The following SAMD3 variants were observed in gnomAD, a reference collection of about 807,000 sequenced individuals.
SAMD3 encodes sterile alpha motif domain containing 3, also known as sterile alpha motif domain-containing protein 3.
A neutral mutation model predicts 58.5 loss-of-function variants in SAMD3; 63 were observed. The observed-to-expected ratio is 1.08, with a 90% confidence interval of 0.88 to 1.33. SAMD3 has a LOEUF of 1.33. Among genes scored for constraint, SAMD3 ranks in the 40% most tolerant of loss-of-function variants. The probability of loss-of-function intolerance (pLI) is 0.00; values close to 1 mark genes in which losing one functional copy is unlikely to be tolerated. For missense variants in SAMD3, 604 were observed against 608.4 expected (o/e 0.99, Z 0.08); for synonymous variants, 220 against 210.3 (o/e 1.05, Z -0.40).
chr6:130,230,145 A>G (rs919983914), intron 2 of SAMD3, among the ~76,000 whole-genome samples: 1 of 152,222 alleles, frequency 6.6e-6, no homozygotes. Context: ...TGCCGTTAAG[A>G]GTTCCTGAAC....
chr6:130,349,639 G>A (rs1207242222), intron 1 of SAMD3, among the ~76,000 whole-genome samples: 1 of 152,182 alleles, frequency 6.6e-6, no homozygotes, highest in African/African-American at 2.4e-5. Flanking sequence ...TCTACCAGAG[G>A]TACAAGGAGG....
At chr6:130,158,795 A>G (rs1790025848) in intron 8 of SAMD3, among the ~76,000 whole-genome samples, 1 of 152,220 alleles carries the variant, frequency 6.6e-6, no homozygotes, top group South Asian at 2.1e-4. Context: ...TGGGTTTTAA[A>G]TAGCCTCTAG....
chr6:130,251,406 T>G (rs1773733525), intron 2 of SAMD3, among the ~76,000 whole-genome samples: 1 of 152,192 alleles, frequency 6.6e-6, no homozygotes, highest in Non-Finnish European at 1.5e-5. Flanking sequence ...ATCTAGTTTT[T>G]TTCTTTGGTT....
At chr6:130,364,536 C>T (rs914250282) in intron 1 of SAMD3, among the ~76,000 whole-genome samples, 9 of 151,926 alleles carry the variant, frequency 5.9e-5, no homozygotes, top group African/African-American at 2.2e-4. Flanking sequence ...TGGAAGCACA[C>T]TCCTTTGATA....
intron 8 of SAMD3, chr6:130,162,380 C>CT: frequency 3.1e-6 from 2 of 645,490 alleles, no homozygotes; most frequent in Non-Finnish European, 5.6e-6. Context: ...GTAGTTATAG[C>CT]TTTTTTATCT....
chr6:130,232,456 C>T (rs1484816370), intron 2 of SAMD3, among the ~76,000 whole-genome samples: 2 of 152,142 alleles, frequency 1.3e-5, no homozygotes, highest in East Asian at 1.9e-4. Flanking sequence ...TTTATTTGCA[C>T]CCAAGATCTG....
intron 2 of SAMD3, among the ~76,000 whole-genome samples, chr6:130,280,340 C>T (rs1187857616): frequency 1.3e-5 from 2 of 152,138 alleles, no homozygotes; most frequent in Non-Finnish European, 2.9e-5. Context: ...TAATGACATA[C>T]CTCTTACCCT....
intron 8 of SAMD3, among the ~76,000 whole-genome samples, chr6:130,164,310 A>G (rs1790531943): frequency 1.3e-5 from 2 of 152,224 alleles, no homozygotes; most frequent in Admixed American, 1.3e-4. Flanking sequence ...AATTAGCTGT[A>G]AAAATGAAAA....
chr6:130,262,686 G>A (rs984489713), intron 2 of SAMD3, among the ~76,000 whole-genome samples: 4 of 152,058 alleles, frequency 2.6e-5, no homozygotes, highest in African/African-American at 4.8e-5. Context: ...AACAGTTTAT[G>A]TGCAAGGTAT....
rs148822768 is a variant in SAMD3, at chr6:130,173,595, C to T, written c.822+2246G>A. ...CTGGCCAGATGCCAGCCAGAGCTCTCCTGAATGAGGTGTCTGTCGACCCCT... is the reference window on the plus strand; with the variant it reads ...CTGGCCAGATGCCAGCCAGAGCTCTTCTGAATGAGGTGTCTGTCGACCCCT... On this transcript the variant is annotated intron_variant, in intron 8 of 11. Transcript: ENST00000439090. Among the ~76,000 whole-genome samples, 754 of 152,310 alleles carry T rather than the reference C, an allele frequency of 5.0e-3. 8 individuals are homozygous for T. The highest frequency in any genetic ancestry group is 0.018 in the African/African-American group (730 of 41,562).
At chr6:130,144,975 C>T (rs1183488942) in intron 11 of SAMD3, among the ~76,000 whole-genome samples, 171 bp from the exon 12 acceptor site, 1 of 152,072 alleles carries the variant, frequency 6.6e-6, no homozygotes, top group Non-Finnish European at 1.5e-5. Context: ...AATAAGTTAT[C>T]GCGGTTGGGC....
chr6:130,211,299 T>C (rs1040947895), intron 4 of SAMD3, among the ~76,000 whole-genome samples: 9 of 108,258 alleles, frequency 8.3e-5, no homozygotes, highest in African/African-American at 2.9e-4. Context: ...TTTTTTTTTT[T>C]CTGAGACAGA....
At chr6:130,358,002 T>C (rs187580970) in intron 1 of SAMD3, among the ~76,000 whole-genome samples, 1 of 152,234 alleles carries the variant, frequency 6.6e-6, no homozygotes, top group Non-Finnish European at 1.5e-5. Context: ...AAATTAGGTA[T>C]AAGACTAGTG....
rs111334458 is a variant in SAMD3, at chr6:130,167,771, A to G, written c.822+8070T>C. 3.2e-3 allele frequency among the ~76,000 whole-genome samples: 484 copies of G among 152,326 alleles called. 4 individuals are homozygous for G. The highest frequency in any genetic ancestry group is 0.011 in the African/African-American group (456 of 41,584). ...TGCTGCATTGACTGCACGACCATACATGCAGCCACATGAGGTCTTGAGATT... is the reference window on the plus strand; with the variant it reads ...TGCTGCATTGACTGCACGACCATACGTGCAGCCACATGAGGTCTTGAGATT... On this transcript the variant is annotated intron_variant, in intron 8 of 11. Transcript: ENST00000439090.
At chr6:130,179,031 A>AT (rs5880006) in intron 7 of SAMD3, among the ~76,000 whole-genome samples, 5 of 152,000 alleles carry the variant, frequency 3.3e-5, no homozygotes, top group South Asian at 2.1e-4. Context: ...AGTATAGTAC[A>AT]TTTTTTTTCC....
At chr6:130,322,819 T>C (rs1488940878) in intron 1 of SAMD3, among the ~76,000 whole-genome samples, 1 of 152,238 alleles carries the variant, frequency 6.6e-6, no homozygotes, top group African/African-American at 2.4e-5. Flanking sequence ...TGAGTTTACT[T>C]GAATTAACAA....
At chr6:130,268,280 T>C (rs1198018784) in intron 2 of SAMD3, among the ~76,000 whole-genome samples, 1 of 152,214 alleles carries the variant, frequency 6.6e-6, no homozygotes, top group Non-Finnish European at 1.5e-5. Context: ...TATACAGCTA[T>C]ACAATGTGTT....
chr6:130,144,548 T>C lies in SAMD3; in HGVS notation c.1535A>G (p.Glu512Gly), dbSNP rs766329291. Residue 512 changes from glutamate (E) to glycine (G), a missense_variant, in exon 12 of 12, where the codon GAA becomes GGA. Glu to Gly is a moderately conservative substitution (Grantham distance 98). Transcript: ENST00000439090. ...YFPSLKEKEN[E>G]VGFQHPLT ...AGTGAGTGGGTGCTGAAATCCTACTTCGTTTTCCTTTTCTTTCAAAGAAGG... is the reference window on the plus strand; with the variant it reads ...AGTGAGTGGGTGCTGAAATCCTACTCCGTTTTCCTTTTCTTTCAAAGAAGG... 6.2e-7 allele frequency: 1 copy of C among 1,613,994 alleles called. No homozygotes were observed. The highest frequency in any genetic ancestry group is 1.7e-5 in the Admixed American group (1 of 60,004).
At position 130,184,710 on chromosome 6, in the gene SAMD3, T is replaced by TA. The variant is rs1427784718; in HGVS notation, c.384-88dup. 4 of 1,147,660 alleles carry TA rather than the reference T, an allele frequency of 3.5e-6. No individual in the cohort carries two copies. The East Asian group carries it at 7.7e-5, about 22-fold the overall frequency. The allele number at this position is 1,147,660 out of a possible 1,614,324, so 71.1% of individuals were successfully genotyped here. A position where few individuals can be genotyped will look rare whatever the true frequency, so the allele number is the denominator to read the frequency against. On this transcript the variant is annotated intron_variant, in intron 5 of 11. Coordinates refer to ENST00000439090, the MANE Select transcript of SAMD3 (RefSeq NM_001017373.4). ...TGCTACATCCTGAGAACTTATGAAA[T>TA]AAACAACTTTCCTGAGACCCAAATA...
Sources: allele counts gnomAD v4.1 joint callset (sites outside exome capture counted in the v4.1 genomes callset), GRCh38; gene constraint gnomAD v4.1.1; transcripts MANE v1.5; gene names NCBI Gene and HGNC (gene_info 2026-07-23, HGNC 2026-07-21).